Variants in CRHBP observed in about 807,000 individuals in gnomAD.
The protein encoded by CRHBP is corticotropin releasing hormone binding protein.
CRHBP carries 19 observed loss-of-function variants against 34.9 expected under a neutral mutation model. The observed-to-expected ratio is 0.55, with a 90% CI of 0.38 to 0.80. CRHBP has a LOEUF of 0.80. Ranked by LOEUF, CRHBP falls within the 30% of genes least tolerant of loss-of-function variation. CRHBP has a pLI of 0.00. For synonymous variants in CRHBP, 154 were observed against 153.4 expected, an observed-to-expected ratio of 1.00 and a Z score of -0.03; for missense variants, 328 against 409.2, an observed-to-expected ratio of 0.80 and a Z score of 1.71.
chr5:76,975,825 A>AAAT, intron 2 of CRHBP, among the ~76,000 whole-genome samples: 12 of 61,848 alleles, frequency 1.9e-4, no homozygotes, highest in East Asian at 1.0e-3. Flanking sequence ...AAAAAAAAAA[A>AAAT]ATATATATAT....
At position 76,956,510 on chromosome 5, in the gene CRHBP, C is replaced by T. The variant is rs570792109; in HGVS notation, c.544+647C>T. 1.3e-3 allele frequency among the ~76,000 whole-genome samples: 194 copies of T among 152,218 alleles called. 1 individual carries two copies. Among genetic ancestry groups the T allele is most frequent in the African/African-American group, 3.2e-3 (134 of 41,532 alleles). The stretch of plus-strand genomic sequence containing the variant: ...CAGCACTTTGGGAGGCCAAGGCAGG[C>T]GGATCACGAGGTCAGGAGATCCAGA... On this transcript the variant is annotated intron_variant, in intron 4 of 6. Transcript: ENST00000274368.
At chr5:76,974,164 G>A (rs1325794588), downstream of CRHBP, among the ~76,000 whole-genome samples, 1 of 151,898 alleles carries the variant, frequency 6.6e-6, no homozygotes, top group Non-Finnish European at 1.5e-5. Flanking sequence ...TTACAGGCAT[G>A]TGTCACCATG....
At chr5:76,963,607 A>G (rs1351105958) in intron 6 of CRHBP, 147 bp downstream of exon 6, 66 of 635,558 alleles carry the variant, frequency 1.0e-4, no homozygotes, top group Non-Finnish European at 1.5e-4. Flanking sequence ...ATTTGAGGCT[A>G]TATATAACAT....
At chr5:76,963,295 T>A (rs370334092) in intron 5 of CRHBP, 48 bp from the exon 6 acceptor site, 6 of 1,534,018 alleles carry the variant, frequency 3.9e-6, no homozygotes, top group Non-Finnish European at 5.4e-6. Context: ...TGGTTTGACT[T>A]CTGTAATTGG....
chr5:76,961,753 G>C (rs1317898372), intron 5 of CRHBP, among the ~76,000 whole-genome samples: 1 of 151,710 alleles, frequency 6.6e-6, no homozygotes, highest in East Asian at 1.9e-4. Context: ...TGTTTGTTTT[G>C]TTTTGTTTTG....
At chr5:76,953,268 G>A in intron 1 of CRHBP, 53 bp downstream of exon 1, 1 of 1,559,198 alleles carries the variant, frequency 6.4e-7, no homozygotes, top group Non-Finnish European at 8.8e-7. Context: ...TTAGCCCTAG[G>A]CGGCAGGCAG....
intron 3 of CRHBP, among the ~76,000 whole-genome samples, chr5:76,980,112 G>A (rs929013616): frequency 1.4e-3 from 215 of 151,778 alleles, no homozygotes; most frequent in African/African-American, 5.0e-3. Flanking sequence ...AAAATTAGCC[G>A]GGCGTGGTGG....
intron 3 of CRHBP, among the ~76,000 whole-genome samples, chr5:76,978,343 G>T (rs1003332862): frequency 6.6e-6 from 1 of 152,190 alleles, no homozygotes; most frequent in Non-Finnish European, 1.5e-5. Context: ...AGAATGACTC[G>T]TTAGGGGCTA....
At chr5:76,975,825 A>AAAAAAAAAAAAAAAATATATATATATAT in intron 2 of CRHBP, among the ~76,000 whole-genome samples, 3 of 61,852 alleles carry the variant, frequency 4.9e-5, no homozygotes, top group African/African-American at 9.1e-5. Context: ...AAAAAAAAAA[A>AAAAAAAAAAAAAAAATATATATATATAT]ATATATATAT....
In CRHBP at chr5:76,953,594, T is replaced by C. The variant is rs1460827047; in HGVS notation, c.82-7T>C. The stretch of plus-strand genomic sequence containing the variant: ...ACTTTTCCGGACTGACCTATGTTTC[T>C]TGCCAGCTGAGGGAAGCGGCGGACT... On this transcript the variant is annotated splice_polypyrimidine_tract_variant and splice_region_variant and intron_variant, in intron 1 of 6. Transcript: ENST00000274368. The C allele has an allele frequency of 6.2e-7, 1 of 1,612,160 alleles. No homozygotes were observed. Among genetic ancestry groups the C allele is most frequent in the Non-Finnish European group, 8.5e-7 (1 of 1,179,242 alleles).
chr5:76,958,654 A>G (rs1397784931), intron 4 of CRHBP, 87 bp from the exon 5 acceptor site: 4 of 1,426,552 alleles, frequency 2.8e-6, no homozygotes, highest in African/African-American at 2.9e-5. Context: ...CATGAACAGG[A>G]GCCCTAGAAT....
downstream of CRHBP, among the ~76,000 whole-genome samples, chr5:76,973,343 C>T (rs1017886436): frequency 1.4e-4 from 21 of 152,194 alleles, no homozygotes; most frequent in Non-Finnish European, 2.9e-4. Flanking sequence ...AACCTTTCCA[C>T]ATTCTTTAAA....
chr5:76,974,552 G>A (rs1042929521), intron 2 of CRHBP, among the ~76,000 whole-genome samples: 3 of 152,050 alleles, frequency 2.0e-5, no homozygotes, highest in African/African-American at 4.8e-5. Flanking sequence ...TTACTTGTAG[G>A]CAGTTTGTTT....
chr5:76,971,314 T>C (rs951886163), downstream of CRHBP, among the ~76,000 whole-genome samples: 3 of 152,218 alleles, frequency 2.0e-5, no homozygotes, highest in African/African-American at 7.2e-5. Flanking sequence ...AGGTGCCTTC[T>C]TCAAAAGGTT....
At position 76,969,163 on chromosome 5, in the gene CRHBP, G is replaced by A. The variant is rs756984746; in HGVS notation, c.*278G>A. On this transcript the variant is annotated 3_prime_UTR_variant, in exon 7 of 7. Coordinates refer to ENST00000274368, the MANE Select transcript of CRHBP (RefSeq NM_001882.4). ...GGAAATGTTTGTAATTCTTTGATGT[G>A]CTACAAACCTGAAACTGGTAAGACA... 9 of 288,692 alleles carry A rather than the reference G, an allele frequency of 3.1e-5. No individual in the cohort carries two copies. Among genetic ancestry groups the A allele is most frequent in the Non-Finnish European group, 5.7e-5 (9 of 156,660 alleles). The allele number at this position is 288,692 out of a possible 1,614,324, so 17.9% of individuals were successfully genotyped here.
chr5:76,964,822 C>T (rs1026149484), intron 6 of CRHBP, among the ~76,000 whole-genome samples: 1 of 152,028 alleles, frequency 6.6e-6, no homozygotes, highest in Non-Finnish European at 1.5e-5. Context: ...TGCCACTGCA[C>T]TCCAGCCTGG....
At chr5:76,975,825 A>AAAAAATATATATATATAT in intron 2 of CRHBP, among the ~76,000 whole-genome samples, 5 of 61,834 alleles carry the variant, frequency 8.1e-5, no homozygotes, top group African/African-American at 4.6e-4. Flanking sequence ...AAAAAAAAAA[A>AAAAAATATATATATATAT]ATATATATAT....
Position 76,953,712 on chromosome 5 carries a change from G to C in CRHBP, c.175+18G>C. 1 of 1,589,208 alleles carries C rather than the reference G, an allele frequency of 6.3e-7. No homozygotes were observed. Among genetic ancestry groups the C allele is most frequent in the Non-Finnish European group, 8.6e-7 (1 of 1,167,344 alleles). On this transcript the variant is annotated intron_variant, in intron 2 of 6. Transcript: ENST00000274368. ...CGCTCTGCGTGAGTCGAGGCTGCCC[G>C]GCTCGCGGGCGCCCGGGACGCGGGG...
downstream of CRHBP, among the ~76,000 whole-genome samples, chr5:76,969,934 CTTTTTTTTTTTTTTT>C (rs201228247): frequency 1.4e-3 from 85 of 61,634 alleles, 2 homozygotes; most frequent in African/African-American, 5.1e-3. Flanking sequence ...AAAGAAAATT[CTTTTTTTTTTTTTTT>C]TTTTTTTTTT....
Sources: gnomAD v4.1 joint callset for allele counts (sites outside exome capture counted in the v4.1 genomes callset) on GRCh38, gnomAD v4.1.1 for gene constraint, MANE v1.5 for transcripts, NCBI Gene and HGNC (gene_info 2026-07-23, HGNC 2026-07-21) for gene names.